PDE1C: variants seen among roughly 807,000 people sequenced by gnomAD.
The protein encoded by PDE1C is dual specificity calcium/calmodulin-dependent 3',5'-cyclic nucleotide phosphodiesterase 1C.
A neutral mutation model predicts 93.1 loss-of-function variants in PDE1C; 62 were observed. That is an observed-to-expected ratio of 0.67 (90% confidence interval 0.54 to 0.82). The LOEUF is 0.82. Ranked by LOEUF, PDE1C falls within the 40% of genes least tolerant of loss-of-function variation. The pLI is 0.00. For synonymous variants in PDE1C, 325 were observed against 310.1 expected (o/e 1.05, Z -0.50); for missense variants, 742 against 884.6 (o/e 0.84, Z 2.04).
intron 3 of PDE1C, among the ~76,000 whole-genome samples, chr7:32,124,395 A>C (rs1799457468): frequency 6.6e-6 from 1 of 152,226 alleles, no homozygotes; most frequent in Non-Finnish European, 1.5e-5. Context: ...CACATAGCCA[A>C]GACAATCCTA....
intron 17 of PDE1C, among the ~76,000 whole-genome samples, chr7:31,764,755 G>A (rs1562756891): frequency 6.6e-6 from 1 of 152,124 alleles, no homozygotes; most frequent in Non-Finnish European, 1.5e-5. Context: ...AGCTTCCTGA[G>A]GATAGGTATG....
chr7:31,799,495 A>T (rs540869816), intron 16 of PDE1C, among the ~76,000 whole-genome samples: 3 of 151,882 alleles, frequency 2.0e-5, no homozygotes, highest in Admixed American at 6.6e-5. Context: ...GCTCAGAGTC[A>T]TCCATTCCAA....
the PDE1C span, among the ~76,000 whole-genome samples, chr7:31,732,935 T>C: frequency 4.9e-4 from 75 of 152,246 alleles, no homozygotes; most frequent in African/African-American, 1.8e-3. Context: ...GATTGGAAGG[T>C]GGTGCTATCA....
rs577900477 is a variant in PDE1C at position 32,014,667 on chromosome 7, G to GT, written c.128+36886dup. On this transcript the variant is annotated intron_variant, in intron 2 of 17. Coordinates refer to ENST00000396191, the MANE Select transcript of PDE1C (RefSeq NM_001191057.4). ...GTTGTTCCCCTCCCTGTGTCCATGTGTTCTCATTGTTCAACTCCCACTTAT... is the reference window on the plus strand; with the variant it reads ...GTTGTTCCCCTCCCTGTGTCCATGTGTTTCTCATTGTTCAACTCCCACTTAT... 4.8e-4 allele frequency among the ~76,000 whole-genome samples: 73 copies of GT among 152,110 alleles called. 1 individual carries two copies. The highest frequency in any genetic ancestry group is 1.7e-3 in the African/African-American group (72 of 41,494).
intron 1 of PDE1C, among the ~76,000 whole-genome samples, chr7:32,237,742 G>GTATATATATATATATATATATATA (rs372356671): frequency 2.2e-4 from 7 of 31,226 alleles, no homozygotes; most frequent in South Asian, 1.4e-3. Flanking sequence ...TTGGCTCTGT[G>GTATATATATATATATATATATATA]TATATATATA....
the PDE1C span, among the ~76,000 whole-genome samples, chr7:31,723,023 T>C: frequency 2.6e-5 from 4 of 152,226 alleles, no homozygotes; most frequent in Admixed American, 2.0e-4. Context: ...TCATTTATTC[T>C]TTGCCTTTAC....
At chr7:32,201,990 G>T (rs193092548) in intron 2 of PDE1C, among the ~76,000 whole-genome samples, 1 of 152,294 alleles carries the variant, frequency 6.6e-6, no homozygotes, top group East Asian at 1.9e-4. Context: ...GAAAGCAATC[G>T]ACAGAGGTAG....
intron 1 of PDE1C, among the ~76,000 whole-genome samples, chr7:32,374,372 C>T (rs1784400138): frequency 1.3e-5 from 2 of 152,140 alleles, no homozygotes; most frequent in Non-Finnish European, 2.9e-5. Context: ...CTCATTTGAT[C>T]AATATAGTAT....
chr7:31,851,106 A>AT (rs1793289498), intron 7 of PDE1C, among the ~76,000 whole-genome samples: 2 of 151,238 alleles, frequency 1.3e-5, no homozygotes, highest in South Asian at 2.1e-4. Context: ...ACACATAAAA[A>AT]AATTAGAAAT....
the PDE1C span, among the ~76,000 whole-genome samples, chr7:31,732,770 C>T: frequency 0.22 from 32,937 of 151,596 alleles, 5,092 homozygotes; most frequent in African/African-American, 0.42. Flanking sequence ...TACATTTAAC[C>T]GTTAATGTTA....
At chr7:32,211,593 G>T (rs1806034620) in intron 1 of PDE1C, among the ~76,000 whole-genome samples, 1 of 151,930 alleles carries the variant, frequency 6.6e-6, no homozygotes, top group South Asian at 2.1e-4. Flanking sequence ...AAAAAAAGGG[G>T]GGGGTAAGAA....
chr7:32,237,765 T>TATATATATATATA (rs1562607094), intron 1 of PDE1C, among the ~76,000 whole-genome samples: 1 of 74,046 alleles, frequency 1.4e-5, no homozygotes, highest in Non-Finnish European at 2.5e-5. Flanking sequence ...TATATATACT[T>TATATATATATATA]TTTTTTTTTT....
At chr7:32,020,926 T>A (rs1377405331) in intron 2 of PDE1C, among the ~76,000 whole-genome samples, 1 of 152,194 alleles carries the variant, frequency 6.6e-6, no homozygotes, top group Non-Finnish European at 1.5e-5. Flanking sequence ...TGTGACATAG[T>A]TGGGGCAGCC....
chr7:32,382,134 C>G (rs1020303970), intron 1 of PDE1C, among the ~76,000 whole-genome samples: 1 of 152,174 alleles, frequency 6.6e-6, no homozygotes, highest in Non-Finnish European at 1.5e-5. Flanking sequence ...TGAACCCAGG[C>G]AGCATGGCCC....
At chr7:31,976,446 G>C (rs1056557356) in intron 2 of PDE1C, among the ~76,000 whole-genome samples, 1 of 152,164 alleles carries the variant, frequency 6.6e-6, no homozygotes, top group African/African-American at 2.4e-5. Context: ...AAATTCATAA[G>C]TATGTGAAAG....
chr7:31,867,500 C>T (rs992197962), intron 6 of PDE1C, among the ~76,000 whole-genome samples: 2 of 152,102 alleles, frequency 1.3e-5, no homozygotes, highest in African/African-American at 4.8e-5. Context: ...CAAACTGATG[C>T]TGCCATCACA....
At chr7:32,263,904 A>G (rs62457470) in intron 1 of PDE1C, among the ~76,000 whole-genome samples, 17,821 of 152,240 alleles carry the variant, frequency 0.12, 1,200 homozygotes, top group African/African-American at 0.16. Flanking sequence ...ACACAATATC[A>G]GTCTCTCATA....
At chr7:32,240,139 C>G (rs1366518239) in intron 1 of PDE1C, among the ~76,000 whole-genome samples, 1 of 152,110 alleles carries the variant, frequency 6.6e-6, no homozygotes. Flanking sequence ...ATAAGCTAGC[C>G]CATTCTGAGA....
intron 2 of PDE1C, among the ~76,000 whole-genome samples, chr7:31,984,345 C>G (rs1783091562): frequency 6.6e-6 from 1 of 152,114 alleles, no homozygotes; most frequent in Non-Finnish European, 1.5e-5. Context: ...TGAGGTAGGA[C>G]AGTTTCATCC....
Sources: gnomAD v4.1 joint callset for allele counts (sites outside exome capture counted in the v4.1 genomes callset) on GRCh38, gnomAD v4.1.1 for gene constraint, MANE v1.5 for transcripts, NCBI Gene and HGNC (gene_info 2026-07-23, HGNC 2026-07-21) for gene names.